Variants in VRTN observed in about 807,000 individuals in gnomAD.
VRTN encodes the protein vertnin.
Under a neutral mutation model 18.2 loss-of-function variants are expected in VRTN, and 5 were observed. That is an observed-to-expected ratio of 0.27 (90% confidence interval 0.14 to 0.58). The LOEUF is 0.58. VRTN is among the 20% of genes least tolerant of loss of function. The pLI is 0.91. For missense variants in VRTN, 741 were observed against 939.4 expected (o/e 0.79, Z 2.76); for synonymous variants, 381 against 393.7 (o/e 0.97, Z 0.38).
rs527759396 is a variant in VRTN at position 74,356,654 on chromosome 14, T to C, written c.-1-129T>C. ...TTCAGTGATGAACCAATCCCGTCTG[T>C]TGTGGGAGGACGGGAGCAGATAGAC... On this transcript the variant is annotated intron_variant, in intron 1 of 1. Transcript: ENST00000256362. 5 of 1,259,288 alleles carry C rather than the reference T, an allele frequency of 4.0e-6. No homozygotes were observed. The Admixed American group carries it at 1.1e-4, about 29-fold the overall frequency. 78.0% of individuals were successfully genotyped at this position (1,259,288 alleles called of 1,614,324 possible).
chr14:74,352,311 T>TG (rs976170474), intron 1 of VRTN, among the ~76,000 whole-genome samples: 5 of 152,070 alleles, frequency 3.3e-5, no homozygotes, highest in African/African-American at 1.2e-4. Flanking sequence ...CCCGAGTAGC[T>TG]GGGATAACAG....
chr14:74,357,619 G>T lies in VRTN; in HGVS notation c.836G>T (p.Gly279Val). 1.2e-6 allele frequency: 2 copies of T among 1,614,030 alleles called. No individual in the cohort carries two copies. The highest frequency in any genetic ancestry group is 1.7e-6 in the Non-Finnish European group (2 of 1,180,036). ...CTGGAGCTGCTCAACCGTGAACCTG[G>T]CCTCAGCTACTCTCACCTCTGTGAG... ...KTLELLNREPGLSYSHLCERY... is the reference protein window; with the variant it reads ...KTLELLNREPVLSYSHLCERY... Residue 279 changes from glycine to valine, a missense_variant, in exon 2 of 2, where the codon GGC becomes GTC. This residue lies in a region of VRTN where 494 missense variants were observed against 546.5 expected (regional missense o/e 0.90). Coordinates refer to ENST00000256362, the MANE Select transcript of VRTN (RefSeq NM_018228.3). This position sits in a 1 kb window ranked among gnomAD's most constrained non-coding sequence, Gnocchi z 7.8.
At chr14:74,337,727 G>C (rs1269241689) in exon 2 of VRTN, 1 of 152,174 alleles carries the variant, frequency 6.6e-6, no homozygotes, top group South Asian at 2.1e-4. Flanking sequence ...CGCCAGGTAC[G>C]TTTCCTGAGG....
intron 1 of VRTN, chr14:74,306,143 T>TAC: frequency 2.9e-5 from 2 of 68,456 alleles, no homozygotes; most frequent in African/African-American, 1.9e-4. Flanking sequence ...TGTAAAAATA[T>TAC]ACATATATAT....
rs201405324 is a variant in VRTN at position 74,357,044 on chromosome 14, C to T, written c.261C>T (p.Phe87=). 1.4e-5 allele frequency: 22 copies of T among 1,608,920 alleles called. No homozygotes were observed. The highest frequency in any genetic ancestry group is 5.3e-5 in the African/African-American group (4 of 74,998). ...LVCKGEGSLL[F]EAASMLLWGD... Reference sequence around the variant, plus strand: ...GCAAGGGGGAGGGCAGCCTGCTGTTCGAGGCGGCCAGCATGCTGCTGTGGG... The same window carrying T: ...GCAAGGGGGAGGGCAGCCTGCTGTTTGAGGCGGCCAGCATGCTGCTGTGGG... Residue 87 remains phenylalanine, a synonymous_variant, in exon 2 of 2, where the codon TTC becomes TTT. Transcript: ENST00000256362. The surrounding 1 kb of genome is among the most constrained non-coding windows in gnomAD (Gnocchi z 7.8).
intron 2 of VRTN, among the ~76,000 whole-genome samples, chr14:74,338,202 T>G (rs1426030682): frequency 6.6e-6 from 1 of 152,224 alleles, no homozygotes; most frequent in African/African-American, 2.4e-5. Context: ...ATTAATTGCT[T>G]CGTATACTCT....
In VRTN at chr14:74,358,549, C is replaced by A; in HGVS notation, c.1766C>A (p.Ala589Asp). ...EAGRDVTAVM[A>D]PPVGASSEDV... ...GGCAGGGATGTGACAGCTGTGATGG[C>A]CCCACCTGTGGGGGCTTCTTCAGAA... Residue 589 changes from alanine (A) to aspartate (D), a missense_variant, in exon 2 of 2, where the codon GCC becomes GAC. By Grantham distance (126) the Ala-to-Asp change is moderately radical. Around this residue, in one of 3 missense-constraint regions of VRTN, gnomAD observed 494 missense variants for 546.5 expected, o/e 0.90. Coordinates refer to ENST00000256362, the MANE Select transcript of VRTN (RefSeq NM_018228.3). This position sits in a 1 kb window ranked among gnomAD's most constrained non-coding sequence, Gnocchi z 5.4. 1 of 1,611,048 alleles carries A rather than the reference C, an allele frequency of 6.2e-7. No individual in the cohort carries two copies. The highest frequency in any genetic ancestry group is 1.7e-4 in the Middle Eastern group (1 of 6,022).
intron 2 of VRTN, among the ~76,000 whole-genome samples, chr14:74,343,004 T>C (rs2085618520): frequency 6.6e-6 from 1 of 152,150 alleles, no homozygotes; most frequent in Non-Finnish European, 1.5e-5. Flanking sequence ...AAAAAAACTA[T>C]ACTGAGGGAA....
At chr14:74,313,800 G>A (rs1567038297) in intron 1 of VRTN, among the ~76,000 whole-genome samples, 1 of 152,184 alleles carries the variant, frequency 6.6e-6, no homozygotes, top group Non-Finnish European at 1.5e-5. Context: ...AGGCAACATG[G>A]CAAGACCTCA....
chr14:74,337,046 G>A, intron 1 of VRTN, among the ~76,000 whole-genome samples: 1 of 152,078 alleles, frequency 6.6e-6, no homozygotes. Flanking sequence ...TGTTTGTACT[G>A]ATGAAAAGAA....
chr14:74,310,560 C>CA lies in VRTN; in HGVS notation c.-164+7385dup, dbSNP rs1289843559. 5.5e-5 allele frequency among the ~76,000 whole-genome samples: 7 copies of CA among 127,636 alleles called. No individual in the cohort carries two copies. In the South Asian group the frequency reaches 1.8e-3, roughly 34 times the overall value. 83.7% of individuals were successfully genotyped at this position (127,636 alleles called of 152,430 possible). ...TTTTTTTTTTTTTTTTTTTTAAACA[C>CA]AGAGTCTTGCTCTGTCACCCAGGCT... On this transcript the variant is annotated intron_variant, in intron 1 of 2. Coordinates refer to the VRTN transcript ENST00000557177.
chr14:74,357,863 C>T lies in VRTN; in HGVS notation c.1080C>T (p.Cys360=). Residue 360 remains cysteine (C), a synonymous_variant, in exon 2 of 2, where the codon TGC becomes TGT. Transcript: ENST00000256362. This position sits in a 1 kb window ranked among gnomAD's most constrained non-coding sequence, Gnocchi z 7.8. ...ATGAGCTGCTGGGCTCTGGCACCTG[C>T]CCGGCCTTGCCCCCCAGGGAGGTGC... ...WKHELLGSGT[C]PALPPREVLG... The T allele has an allele frequency of 6.2e-7, 1 of 1,613,884 alleles. No individual in the cohort carries two copies. The highest frequency in any genetic ancestry group is 1.1e-5 in the South Asian group (1 of 91,082).
chr14:74,350,144 T>C (rs2085674574), intron 1 of VRTN, among the ~76,000 whole-genome samples: 1 of 152,140 alleles, frequency 6.6e-6, no homozygotes, highest in African/African-American at 2.4e-5. Context: ...AACCCCATCA[T>C]CAATTGTCTA....
chr14:74,358,448 G>T lies in VRTN; in HGVS notation c.1665G>T (p.Leu555=), dbSNP rs759325155. 5.6e-6 allele frequency: 9 copies of T among 1,614,214 alleles called. No individual in the cohort carries two copies. The highest frequency in any genetic ancestry group is 1.7e-5 in the Admixed American group (1 of 60,036). The change falls in exon 2 of 2, where the codon CTG becomes CTT. Residue 555 remains leucine, a synonymous_variant. Transcript: ENST00000256362. The surrounding 1 kb of genome is among the most constrained non-coding windows in gnomAD (Gnocchi z 5.4). ...KSLARGWPRG[L]SKLQVPVPTL... ...TTGCTCGGGGTTGGCCCAGAGGCCT[G>T]TCCAAACTTCAGGTGCCGGTCCCCA... is the stretch of plus-strand genomic sequence containing the variant.
At position 74,350,922 on chromosome 14, in the gene VRTN, C is replaced by T. The variant is rs1027102005; in HGVS notation, c.-2+2270C>T. Among the ~76,000 whole-genome samples the T allele has an allele frequency of 5.9e-5, 9 of 152,256 alleles. No homozygotes were observed. The East Asian group carries it at 1.7e-3, about 29-fold the overall frequency. On this transcript the variant is annotated intron_variant, in intron 1 of 1. Transcript: ENST00000256362. ...CTCTCCTCAGGAAATCGGCTAATTG[C>T]GTGTAAGGGTATAAAAATATCCACA...
At chr14:74,303,118 A>C (rs1595149059) in exon 1 of VRTN, 1 of 461,080 alleles carries the variant, frequency 2.2e-6, no homozygotes, top group Non-Finnish European at 3.8e-6. Context: ...CAGCGCCCCC[A>C]TATTTTCTGG....
intron 1 of VRTN, among the ~76,000 whole-genome samples, chr14:74,331,950 C>G (rs1351667890): frequency 6.6e-6 from 1 of 152,056 alleles, no homozygotes; most frequent in African/African-American, 2.4e-5. Flanking sequence ...CATTTTCAGG[C>G]TCACCCTACA....
chr14:74,306,174 T>TATA (rs1567036739), intron 1 of VRTN: 295 of 68,168 alleles, frequency 4.3e-3, no homozygotes, highest in Middle Eastern at 0.011. Flanking sequence ...ATATATATAT[T>TATA]TTTTTTTTTT....
intron 1 of VRTN, among the ~76,000 whole-genome samples, chr14:74,335,879 G>A (rs918106756): frequency 6.6e-6 from 1 of 151,192 alleles, no homozygotes; most frequent in Non-Finnish European, 1.5e-5. Flanking sequence ...TAGCTGGGAT[G>A]ACAGATATGA....
Sources: allele counts gnomAD v4.1 joint callset (sites outside exome capture counted in the v4.1 genomes callset), GRCh38; gene constraint gnomAD v4.1.1; regional missense constraint gnomAD v4.1.1; non-coding constraint Gnocchi (gnomAD v3.1); transcripts MANE v1.5; gene names NCBI Gene and HGNC (gene_info 2026-07-23, HGNC 2026-07-21).